The following YBX3 variants were observed in gnomAD, a reference collection of about 807,000 sequenced individuals.
YBX3 encodes the protein Y-box-binding protein 3.
YBX3 carries 29 observed loss-of-function variants against 42.4 expected under a neutral mutation model. That is an observed-to-expected ratio of 0.68 (90% CI 0.51 to 0.93). YBX3 has a LOEUF of 0.93. Ranked by LOEUF, YBX3 falls within the 40% of genes least tolerant of loss-of-function variation. The pLI is 0.00. For synonymous variants in YBX3, 195 were observed against 189.8 expected, an observed-to-expected ratio of 1.03 and a Z score of -0.22; for missense variants, 517 against 527.5, an observed-to-expected ratio of 0.98 and a Z score of 0.19.
intron 5 of YBX3, 24 bp downstream of exon 5, chr12:10,713,187 G>A (rs1017544412): frequency 1.2e-6 from 2 of 1,600,010 alleles, no homozygotes; most frequent in Non-Finnish European, 1.7e-6. Flanking sequence ...CTCAATCACT[G>A]GTTAAGTAAC....
rs1168735317 is a variant in YBX3, at chr12:10,723,016, G to GGGCGCGGGGTCCTGGGGA, written c.78_95dup (p.Pro27_Pro32dup). 8.3e-7 allele frequency: 1 copy of GGGCGCGGGGTCCTGGGGA among 1,208,336 alleles called. No homozygotes were observed. Among genetic ancestry groups the GGGCGCGGGGTCCTGGGGA allele is most frequent in the African/African-American group, 1.6e-5 (1 of 62,942 alleles). The allele number at this position is 1,208,336 out of a possible 1,614,324, so 74.9% of individuals were successfully genotyped here. On this transcript the variant is annotated inframe_insertion, in exon 1 of 10. Transcript: ENST00000228251. ...GCGCACCGCTGCCCACCGGGCTCTT[G>GGGCGCGGGGTCCTGGGGA]GGCGCGGGGTCCTGGGGAGCCGCGG...
intron 2 of YBX3, among the ~76,000 whole-genome samples, chr12:10,718,615 C>G (rs183143847): frequency 5.9e-5 from 9 of 152,226 alleles, no homozygotes; most frequent in African/African-American, 2.2e-4. Context: ...TCATAATACT[C>G]CCAGCATCTT....
chr12:10,702,953 A>C (rs373646444), intron 7 of YBX3: 1 of 152,218 alleles, frequency 6.6e-6, no homozygotes, highest in Non-Finnish European at 1.5e-5. Flanking sequence ...GAGCTATATA[A>C]AAGTGCTGCT....
chr12:10,714,408 GT>G (rs1328262591), intron 4 of YBX3, among the ~76,000 whole-genome samples: 10 of 152,120 alleles, frequency 6.6e-5, no homozygotes, highest in Non-Finnish European at 8.8e-5. Flanking sequence ...ACTCAATATT[GT>G]TTTACTAGTA....
chr12:10,716,003 G>C, intron 3 of YBX3: 2 of 514,950 alleles, frequency 3.9e-6, no homozygotes, highest in East Asian at 3.5e-5. Flanking sequence ...ATCTTGACAG[G>C]TGGATTAAAC....
chr12:10,701,432 TTGAATTTTCCTG>T (rs1260887092), intron 8 of YBX3, 79 bp from the exon 9 acceptor site: 49 of 761,056 alleles, frequency 6.4e-5, no homozygotes, highest in Non-Finnish European at 1.1e-4. Flanking sequence ...TCTTAAAAGT[TTGAATTTTCCTG>T]TGAAGGAAAA....
rs56245896 is a variant in YBX3 at position 10,719,609 on chromosome 12, T to C, written c.263-466A>G. Among the ~76,000 whole-genome samples the C allele has an allele frequency of 4.6e-3, 707 of 152,288 alleles. 6 individuals carry two copies. The highest frequency in any genetic ancestry group is 0.016 in the African/African-American group (661 of 41,564). On this transcript the variant is annotated intron_variant, in intron 1 of 9. Transcript: ENST00000228251. ...AAGGTGGCTCCTTGTTAACAGGCAATCTACAAAGACGTAAAGCAACTTGTC... is the reference window on the plus strand; with the variant it reads ...AAGGTGGCTCCTTGTTAACAGGCAACCTACAAAGACGTAAAGCAACTTGTC...
At position 10,709,941 on chromosome 12, in the gene YBX3, G is replaced by A. The variant is rs1439917894; in HGVS notation, c.747C>T (p.Arg249=). Residue 249 remains arginine (R), a synonymous_variant, in exon 6 of 10, where the codon CGC becomes CGT. Coordinates refer to ENST00000228251, the MANE Select transcript of YBX3 (RefSeq NM_003651.5). ...PYHVGQTFDR[R]SRVLPHPNRI... The stretch of plus-strand genomic sequence containing the variant: ...TGTTGGGATGGGGTAAGACCCGTGA[G>A]CGACGGTCAAAGGTCTGTCCCACGT... 6.2e-7 allele frequency: 1 copy of A among 1,614,070 alleles called. No homozygotes were observed. The highest frequency in any genetic ancestry group is 1.3e-5 in the African/African-American group (1 of 74,952).
chr12:10,710,194 A>G, intron 5 of YBX3, 80 bp from the exon 6 acceptor site: 1 of 1,544,600 alleles, frequency 6.5e-7, no homozygotes, highest in Non-Finnish European at 8.7e-7. Flanking sequence ...GATGAATATC[A>G]CCAAAATAAA....
At chr12:10,721,471 T>C (rs1948324050) in intron 1 of YBX3, among the ~76,000 whole-genome samples, 2 of 152,224 alleles carry the variant, frequency 1.3e-5, no homozygotes, top group African/African-American at 4.8e-5. Context: ...CTCAGACATC[T>C]GGCAGAAAGT....
intron 2 of YBX3, among the ~76,000 whole-genome samples, chr12:10,718,840 T>TG (rs1197350995): frequency 4.0e-4 from 61 of 152,358 alleles, no homozygotes; most frequent in African/African-American, 1.5e-3. Flanking sequence ...TTTCTGATTT[T>TG]ATCTCCCCCT....
In YBX3 at chr12:10,699,198, TAAG is replaced by T. The variant is rs1218195062; in HGVS notation, c.*488_*490del. Reference sequence around the variant, plus strand: ...ATCCTCCCCTCATCCTAGAAATAAATAAGAAGGACATAAATTTTTTTTTTTTTT... The same window carrying T: ...ATCCTCCCCTCATCCTAGAAATAAATAAGGACATAAATTTTTTTTTTTTTT... On this transcript the variant is annotated 3_prime_UTR_variant, in exon 10 of 10. Coordinates refer to ENST00000228251, the MANE Select transcript of YBX3 (RefSeq NM_003651.5). 1.1e-4 allele frequency: 16 copies of T among 152,162 alleles called. No individual in the cohort carries two copies. Among genetic ancestry groups the T allele is most frequent in the Non-Finnish European group, 2.1e-4 (14 of 67,934 alleles). 9.4% of individuals were successfully genotyped at this position (152,162 alleles called of 1,614,324 possible). A position where few individuals can be genotyped will look rare whatever the true frequency, so the allele number is the denominator to read the frequency against.
At chr12:10,708,971 A>ACTCTG (rs762312677) in intron 6 of YBX3, among the ~76,000 whole-genome samples, 2 of 152,252 alleles carry the variant, frequency 1.3e-5, no homozygotes, top group Non-Finnish European at 2.9e-5. Flanking sequence ...GTGCTGCCCT[A>ACTCTG]AAGCTACTAT....
intron 4 of YBX3, among the ~76,000 whole-genome samples, chr12:10,714,880 A>C (rs183870582): frequency 3.4e-4 from 52 of 151,940 alleles, no homozygotes; most frequent in Middle Eastern, 3.4e-3. Flanking sequence ...CAGCCTCCTG[A>C]GTAGCCGGAA....
At chr12:10,717,065 C>A (rs1164967290) in intron 3 of YBX3, among the ~76,000 whole-genome samples, 17 of 152,054 alleles carry the variant, frequency 1.1e-4, no homozygotes, top group Admixed American at 1.1e-3. Context: ...CTATTATGAC[C>A]CTAAAAGTCA....
chr12:10,713,240 A>C lies in YBX3; in HGVS notation c.544T>G (p.Tyr182Asp). Residue 182 changes from tyrosine (Y) to aspartate (D), a missense_variant, in exon 5 of 10, where the codon TAT becomes GAT. Physicochemically the swap from Tyr to Asp is radical, Grantham distance 160 (BLOSUM62 -3). This residue lies in a region of YBX3 where 420 missense variants were observed against 408.5 expected (regional missense o/e 1.03). Transcript: ENST00000228251. ...ADRRRYRRGY[Y>D]GRRRGPPRNY... ...CGGGGAGGGCCACGGCGCCTTCCAT[A>C]GTAGCCACGTCTGTAACGGCGCCGA... The C allele has an allele frequency of 6.2e-7, 1 of 1,613,886 alleles. No individual in the cohort carries two copies. The highest frequency in any genetic ancestry group is 8.5e-7 in the Non-Finnish European group (1 of 1,180,000).
At position 10,723,282 on chromosome 12, in the gene YBX3, C is replaced by A. The variant is rs552620992; in HGVS notation, c.-171G>T. On this transcript the variant is annotated 5_prime_UTR_variant, in exon 1 of 10. Transcript: ENST00000228251. ...CGCGCGGCGGAGGCGGCTCGAGCTT[C>A]GTGCTGCGCGCTCTCTCTTGGGCTC... The A allele has an allele frequency of 4.5e-4, 481 of 1,073,424 alleles. 4 individuals are homozygous for A. In the African/African-American group the frequency reaches 5.7e-3, roughly 13 times the overall value. The allele number at this position is 1,073,424 out of a possible 1,614,324, so 66.5% of individuals were successfully genotyped here. A position where few individuals can be genotyped will look rare whatever the true frequency, so the allele number is the denominator to read the frequency against.
At chr12:10,711,262 T>G (rs1390871949) in intron 5 of YBX3, 2 of 152,154 alleles carry the variant, frequency 1.3e-5, no homozygotes, top group Non-Finnish European at 2.9e-5. Context: ...GATATGCAAA[T>G]GTCTTTAATG....
chr12:10,714,146 C>T (rs1157510057), intron 4 of YBX3, among the ~76,000 whole-genome samples: 1 of 152,142 alleles, frequency 6.6e-6, no homozygotes, highest in Non-Finnish European at 1.5e-5. Flanking sequence ...AAAAGACTTA[C>T]AAGATACCCT....
Sources: gnomAD v4.1 joint callset for allele counts (sites outside exome capture counted in the v4.1 genomes callset) on GRCh38, gnomAD v4.1.1 for gene constraint, gnomAD v4.1.1 regional missense constraint, MANE v1.5 for transcripts, NCBI Gene and HGNC (gene_info 2026-07-23, HGNC 2026-07-21) for gene names.